ESRP1: variants seen among roughly 807,000 people sequenced by gnomAD.
ESRP1 encodes the protein RNA-binding motif protein 35A.
ESRP1 carries 33 observed loss-of-function variants against 81.7 expected under a neutral mutation model. The ratio of observed to expected loss-of-function variants is 0.40; its 90% CI spans 0.31 to 0.54. The LOEUF is 0.54. ESRP1 is among the 20% of genes least tolerant of loss of function. The pLI is 0.41. For synonymous variants in ESRP1, 320 were observed against 303.3 expected (o/e 1.06, Z -0.57); for missense variants, 672 against 833.1 (o/e 0.81, Z 2.38).
chr8:94,646,059 A>T (rs57931254), intron 3 of ESRP1, 109 bp from the exon 4 acceptor site: 3 of 571,354 alleles, frequency 5.3e-6, no homozygotes, highest in Admixed American at 3.5e-5. Flanking sequence ...TAAATTTTAA[A>T]TTTTTCCATT....
Position 94,641,266 on chromosome 8 carries a change from C to G in ESRP1, c.-53C>G. 6.4e-7 allele frequency: 1 copy of G among 1,573,702 alleles called. No homozygotes were observed. The highest frequency in any genetic ancestry group is 8.7e-7 in the Non-Finnish European group (1 of 1,153,642). ...GCACAGGTTTTTTCGTTCTCACTTCCACACCACCTTACCGCCTCCCGACCC... is the reference window on the plus strand; with the variant it reads ...GCACAGGTTTTTTCGTTCTCACTTCGACACCACCTTACCGCCTCCCGACCC... On this transcript the variant is annotated 5_prime_UTR_variant, in exon 1 of 16. Coordinates refer to ENST00000433389, the MANE Select transcript of ESRP1 (RefSeq NM_017697.4).
intron 1 of ESRP1, chr8:94,641,705 G>T: frequency 1.4e-6 from 1 of 731,654 alleles, no homozygotes; most frequent in East Asian, 3.0e-5. Context: ...GCCCGTCGGG[G>T]GACGCTCCGC....
At chr8:94,647,201 G>A (rs148826181) in intron 4 of ESRP1, among the ~76,000 whole-genome samples, 122 of 152,178 alleles carry the variant, frequency 8.0e-4, no homozygotes, top group East Asian at 3.3e-3. Flanking sequence ...GGTCAAATCC[G>A]TTTTCATTTG....
In ESRP1 at chr8:94,703,104, GA is replaced by G. The variant is rs1437951217; in HGVS notation, c.*36-2820del. On this transcript the variant is annotated intron_variant, in intron 15 of 15. Coordinates refer to ENST00000433389, the MANE Select transcript of ESRP1 (RefSeq NM_017697.4). ...GGAAACATTATCTCCTTCTGAGATT[GA>G]TTGTTTTTTTTTTTTTTTTGCTAGC... is the stretch of plus-strand genomic sequence containing the variant. Among the ~76,000 whole-genome samples, 280 of 92,380 alleles carry G rather than the reference GA, an allele frequency of 3.0e-3. 4 individuals carry two copies. In the Middle Eastern group the frequency reaches 0.045, roughly 15 times the overall value. 60.6% of individuals were successfully genotyped at this position (92,380 alleles called of 152,430 possible).
At chr8:94,682,556 G>A (rs1310947125) in intron 13 of ESRP1, among the ~76,000 whole-genome samples, 2 of 150,140 alleles carry the variant, frequency 1.3e-5, no homozygotes, top group African/African-American at 4.9e-5. Flanking sequence ...TTGTGGAGAC[G>A]GGGTCTCACT....
chr8:94,642,174 G>A (rs1005478613), intron 2 of ESRP1, 90 bp downstream of exon 2: 17 of 1,480,430 alleles, frequency 1.1e-5, no homozygotes, highest in Non-Finnish European at 1.4e-5. Context: ...GCGTGTTCCC[G>A]GAGCAGGGTG....
rs764844837 is a variant in ESRP1 at position 94,641,323 on chromosome 8, C to T, written c.5C>T (p.Thr2Met). 6.2e-6 allele frequency: 10 copies of T among 1,607,884 alleles called. No homozygotes were observed. The highest frequency in any genetic ancestry group is 2.2e-5 in the East Asian group (1 of 44,612). M[T>M]ASPDYLVVLF... is the part of the protein sequence containing the mutation. ...TCCCCCTCCCCACCTATCGTCATGA[C>T]GGCCTCTCCGGATTACTTGGTGGTG... The change falls in exon 1 of 16, where the codon ACG becomes ATG. Residue 2 changes from threonine to methionine, a missense_variant. Physicochemically the swap from Thr to Met is moderately conservative, Grantham distance 81 (BLOSUM62 -1). Transcript: ENST00000433389.
chr8:94,692,857 G>A (rs1044143630), intron 14 of ESRP1, 30 bp downstream of exon 14: 48 of 1,601,930 alleles, frequency 3.0e-5, no homozygotes, highest in Non-Finnish European at 4.1e-5. Flanking sequence ...ATAATCCTCA[G>A]TGCCCTTATT....
At chr8:94,673,991 C>T (rs1819464199) in intron 11 of ESRP1, among the ~76,000 whole-genome samples, 1 of 152,084 alleles carries the variant, frequency 6.6e-6, no homozygotes, top group Non-Finnish European at 1.5e-5. Context: ...AACTAGTATA[C>T]GATCCTATAT....
intron 11 of ESRP1, among the ~76,000 whole-genome samples, chr8:94,672,109 G>T (rs1342713902): frequency 6.6e-6 from 1 of 152,124 alleles, no homozygotes; most frequent in South Asian, 2.1e-4. Flanking sequence ...CTGCTGTAGT[G>T]TTACAGCAAT....
Position 94,641,936 on chromosome 8 carries a change from G to T in ESRP1, c.133-20G>T, listed in dbSNP as rs1320571363. 2 of 1,613,068 alleles carry T rather than the reference G, an allele frequency of 1.2e-6. No individual in the cohort carries two copies. Among genetic ancestry groups the T allele is most frequent in the Non-Finnish European group, 1.7e-6 (2 of 1,179,308 alleles). On this transcript the variant is annotated intron_variant, in intron 1 of 15. Transcript: ENST00000433389. ...CTCCGAAATTGGGGGAAACTGACCC[G>T]TGCTTCTCTACCTTCGGAGGTGGGA...
chr8:94,642,621 C>T (rs528156721), intron 2 of ESRP1, among the ~76,000 whole-genome samples: 85 of 152,334 alleles, frequency 5.6e-4, no homozygotes, highest in African/African-American at 2.0e-3. Context: ...GCCTTGGTCC[C>T]ACTGCCAGGG....
At chr8:94,652,189 T>C (rs1027575380) in intron 4 of ESRP1, among the ~76,000 whole-genome samples, 9 of 151,860 alleles carry the variant, frequency 5.9e-5, no homozygotes, top group African/African-American at 2.2e-4. Flanking sequence ...GGTTTCACCA[T>C]GTTGGCGAGG....
chr8:94,691,913 A>G (rs1210436714), intron 13 of ESRP1, among the ~76,000 whole-genome samples: 1 of 152,180 alleles, frequency 6.6e-6, no homozygotes, highest in Admixed American at 6.5e-5. Context: ...ATGGCCACCA[A>G]TTGAGGTAGA....
intron 4 of ESRP1, among the ~76,000 whole-genome samples, chr8:94,652,013 CAG>C (rs1002872289): frequency 4.0e-5 from 1 of 24,748 alleles, no homozygotes; most frequent in African/African-American, 2.1e-4. Flanking sequence ...TTTTTTTTGA[CAG>C]AGTTTCTGTC....
chr8:94,663,876 T>C lies in ESRP1; in HGVS notation c.645-821T>C, dbSNP rs1818882502. On this transcript the variant is annotated intron_variant, in intron 6 of 15. Coordinates refer to ENST00000433389, the MANE Select transcript of ESRP1 (RefSeq NM_017697.4). Reference sequence around the variant, plus strand: ...GTGTAGGGACTCACAGGCATTTCTATGGACATTCTCTGGGATGGCTCCCTG... The same window carrying C: ...GTGTAGGGACTCACAGGCATTTCTACGGACATTCTCTGGGATGGCTCCCTG... Among the ~76,000 whole-genome samples, 3 of 152,052 alleles carry C rather than the reference T, an allele frequency of 2.0e-5. No individual in the cohort carries two copies. The South Asian group carries it at 6.2e-4, about 32-fold the overall frequency.
intron 4 of ESRP1, chr8:94,656,302 T>C (rs1818417171): frequency 6.6e-6 from 1 of 151,444 alleles, no homozygotes; most frequent in Non-Finnish European, 1.5e-5. Flanking sequence ...CACTGCAAGC[T>C]CCGCTTCCCG....
chr8:94,676,906 A>G (rs979527197), intron 12 of ESRP1, among the ~76,000 whole-genome samples: 1 of 151,854 alleles, frequency 6.6e-6, no homozygotes, highest in Admixed American at 6.6e-5. Context: ...TAATCCCAGC[A>G]CTTTGGGAGG....
chr8:94,665,870 T>A (rs1004132032), intron 9 of ESRP1, among the ~76,000 whole-genome samples: 1 of 152,198 alleles, frequency 6.6e-6, no homozygotes, highest in Non-Finnish European at 1.5e-5. Flanking sequence ...TTGTTGCACA[T>A]GTGCTTCTAA....
Sources: gnomAD v4.1 joint callset for allele counts (sites outside exome capture counted in the v4.1 genomes callset) on GRCh38, gnomAD v4.1.1 for gene constraint, MANE v1.5 for transcripts, NCBI Gene and HGNC (gene_info 2026-07-23, HGNC 2026-07-21) for gene names.